SYNDIG1: variants seen among roughly 807,000 people sequenced by gnomAD.
SYNDIG1 encodes the protein synapse differentiation inducing 1.
A neutral mutation model predicts 19.4 loss-of-function variants in SYNDIG1; 9 were observed. The ratio of observed to expected loss-of-function variants is 0.46; its 90% confidence interval spans 0.28 to 0.81. The LOEUF is 0.81. SYNDIG1 is among the 30% of genes least tolerant of loss of function. The pLI, the probability that SYNDIG1 is intolerant of heterozygous loss-of-function variation, is 0.12. For missense variants in SYNDIG1, 311 were observed against 343.3 expected (o/e 0.91, Z 0.74); for synonymous variants, 141 against 145.9 (o/e 0.97, Z 0.24).
intron 2 of SYNDIG1, among the ~76,000 whole-genome samples, chr20:24,572,911 C>T (rs948096821): frequency 5.3e-5 from 8 of 152,090 alleles, no homozygotes; most frequent in African/African-American, 1.4e-4. Flanking sequence ...AGCTCAGAGA[C>T]GATTCAGATG....
At chr20:24,644,661 C>G (rs879479967) in intron 3 of SYNDIG1, among the ~76,000 whole-genome samples, 3 of 152,222 alleles carry the variant, frequency 2.0e-5, no homozygotes, top group Non-Finnish European at 4.4e-5. Flanking sequence ...GTGTTCTGGT[C>G]AACAGGCTTA....
At chr20:24,542,057 G>A (rs1000764616) in intron 1 of SYNDIG1, among the ~76,000 whole-genome samples, 2 of 152,152 alleles carry the variant, frequency 1.3e-5, no homozygotes, top group Non-Finnish European at 2.9e-5. Flanking sequence ...TGACAAACCA[G>A]TCTGTGTTGA....
chr20:24,650,442 T>C (rs538159034), intron 3 of SYNDIG1, among the ~76,000 whole-genome samples: 3 of 152,202 alleles, frequency 2.0e-5, no homozygotes, highest in Admixed American at 1.3e-4. Context: ...GCCTGTGTGC[T>C]CCCACGCAGT....
intron 3 of SYNDIG1, among the ~76,000 whole-genome samples, chr20:24,628,690 A>G (rs1355952244): frequency 1.3e-5 from 2 of 152,168 alleles, no homozygotes; most frequent in African/African-American, 4.8e-5. Context: ...ACCCTTGGGG[A>G]GGGGAGTCTG....
chr20:24,488,371 C>T (rs2056030660), intron 1 of SYNDIG1, among the ~76,000 whole-genome samples: 1 of 152,232 alleles, frequency 6.6e-6, no homozygotes, highest in Non-Finnish European at 1.5e-5. Context: ...AGTGCTTCGC[C>T]CAGTGCCTTG....
chr20:24,664,962 G>A (rs62215353), intron 3 of SYNDIG1, among the ~76,000 whole-genome samples: 11,325 of 152,166 alleles, frequency 0.074, 528 homozygotes, highest in Non-Finnish European at 0.098. Context: ...AAATAAACAA[G>A]CACACCATTC....
chr20:24,569,942 G>A (rs1392382047), intron 2 of SYNDIG1, among the ~76,000 whole-genome samples: 1 of 152,186 alleles, frequency 6.6e-6, no homozygotes, highest in Non-Finnish European at 1.5e-5. Context: ...TCTGTCTGTT[G>A]TATCTATTTG....
intron 3 of SYNDIG1, among the ~76,000 whole-genome samples, chr20:24,633,337 C>T (rs547921241): frequency 1.2e-4 from 18 of 152,340 alleles, no homozygotes; most frequent in African/African-American, 4.1e-4. Context: ...CCTGACACCA[C>T]CCAGCCCGAA....
intron 1 of SYNDIG1, among the ~76,000 whole-genome samples, chr20:24,502,628 G>C (rs1048341527): frequency 6.6e-6 from 1 of 152,216 alleles, no homozygotes; most frequent in South Asian, 2.1e-4. Context: ...TTTTAAGCAA[G>C]CTATTTTAGT....
chr20:24,585,957 G>C (rs556246923), intron 3 of SYNDIG1, among the ~76,000 whole-genome samples: 5 of 152,368 alleles, frequency 3.3e-5, no homozygotes, highest in African/African-American at 1.2e-4. Flanking sequence ...TCCTTCGTCT[G>C]AAACAGATTT....
intron 3 of SYNDIG1, among the ~76,000 whole-genome samples, chr20:24,641,344 T>A (rs1259537435): frequency 6.6e-6 from 1 of 152,090 alleles, no homozygotes; most frequent in African/African-American, 2.4e-5. Context: ...TATAGCAAAA[T>A]GATAATGGTA....
chr20:24,664,152 C>T lies in SYNDIG1; in HGVS notation c.619-1194C>T, dbSNP rs1023293553. Among the ~76,000 whole-genome samples the T allele has an allele frequency of 4.6e-5, 7 of 151,866 alleles. No individual in the cohort carries two copies. In the East Asian group the frequency reaches 5.8e-4, roughly 13 times the overall value. ...GAGGAGCGAGAAGGAAGCCAAGCAGCGGCAGGCATCCCTTCCCCACACGAC... is the reference window on the plus strand; with the variant it reads ...GAGGAGCGAGAAGGAAGCCAAGCAGTGGCAGGCATCCCTTCCCCACACGAC... On this transcript the variant is annotated intron_variant, in intron 3 of 3. Transcript: ENST00000376862.
chr20:24,650,115 G>A (rs1430717323), intron 3 of SYNDIG1, among the ~76,000 whole-genome samples: 1 of 152,136 alleles, frequency 6.6e-6, no homozygotes, highest in African/African-American at 2.4e-5. Context: ...GCAGGGCACT[G>A]GGTGTGGTTC....
intron 2 of SYNDIG1, among the ~76,000 whole-genome samples, chr20:24,550,470 T>C (rs1346177696): frequency 1.3e-5 from 2 of 152,080 alleles, no homozygotes; most frequent in Non-Finnish European, 1.5e-5. Context: ...TGTTGTCCTT[T>C]ATTTTTTCAT....
chr20:24,560,063 CTTTTTTTTTTT>C (rs60892856), intron 2 of SYNDIG1, among the ~76,000 whole-genome samples: 56 of 43,032 alleles, frequency 1.3e-3, no homozygotes, highest in South Asian at 5.3e-3. Context: ...CTCTCCTCTC[CTTTTTTTTTTT>C]TTTTTTTTTT....
intron 3 of SYNDIG1, among the ~76,000 whole-genome samples, chr20:24,645,143 C>G (rs937516436): frequency 2.6e-5 from 4 of 152,200 alleles, no homozygotes; most frequent in African/African-American, 7.2e-5. Context: ...TGGGATCCAT[C>G]TGCAGCCAAA....
At chr20:24,626,747 C>A (rs2059145506) in intron 3 of SYNDIG1, among the ~76,000 whole-genome samples, 1 of 152,192 alleles carries the variant, frequency 6.6e-6, no homozygotes, top group Admixed American at 6.5e-5. Context: ...GAGGTTGTAG[C>A]GAGCCGAGAT....
chr20:24,614,988 A>T (rs2058907637), intron 3 of SYNDIG1, among the ~76,000 whole-genome samples: 1 of 152,248 alleles, frequency 6.6e-6, no homozygotes, highest in Non-Finnish European at 1.5e-5. Context: ...TTACCTTGCA[A>T]TTAACAAGCT....
intron 1 of SYNDIG1, among the ~76,000 whole-genome samples, chr20:24,542,758 G>C (rs2146718794): frequency 6.6e-6 from 1 of 152,324 alleles, no homozygotes. Flanking sequence ...GGCTGCAAGG[G>C]AGCCAATTCC....
Sources: allele counts gnomAD v4.1 joint callset (sites outside exome capture counted in the v4.1 genomes callset), GRCh38; gene constraint gnomAD v4.1.1; transcripts MANE v1.5; gene names NCBI Gene and HGNC (gene_info 2026-07-23, HGNC 2026-07-21).